The following OR1J2 variants were observed in gnomAD, a reference collection of about 807,000 sequenced individuals.
OR1J2 encodes olfactory receptor family 1 subfamily J member 2.
For missense variants in OR1J2, 304 were observed against 246.1 expected, an observed-to-expected ratio of 1.24 and a Z score of -1.57; for synonymous variants, 142 against 99.7, an observed-to-expected ratio of 1.42 and a Z score of -2.52.
downstream of OR1J2, among the ~76,000 whole-genome samples, chr9:122,514,332 G>A (rs114622133): frequency 9.4e-3 from 1,428 of 152,168 alleles, 21 homozygotes; most frequent in African/African-American, 0.033. Context: ...TTATGTCCAC[G>A]TGTACCTAAT....
At chr9:122,470,295 G>A in the OR1J2 span, among the ~76,000 whole-genome samples, 5 of 152,200 alleles carry the variant, frequency 3.3e-5, no homozygotes, top group African/African-American at 1.2e-4. Context: ...AGCTGAAAGG[G>A]GCCAACATAG....
At chr9:122,542,216 T>A in the OR1J2 span, among the ~76,000 whole-genome samples, 3 of 152,220 alleles carry the variant, frequency 2.0e-5, no homozygotes, top group African/African-American at 7.2e-5. Flanking sequence ...ACCCATAGTT[T>A]ATTCAATTCT....
chr9:122,570,784 AT>A, the OR1J2 span, among the ~76,000 whole-genome samples: 1 of 152,168 alleles, frequency 6.6e-6, no homozygotes, highest in East Asian at 1.9e-4. Flanking sequence ...TTGCTGATAT[AT>A]TGAGTGAATC....
At chr9:122,520,100 A>G in the OR1J2 span, 1 of 1,575,026 alleles carries the variant, frequency 6.3e-7, no homozygotes, top group Non-Finnish European at 8.7e-7. Flanking sequence ...TCTTCTTTAT[A>G]ACAGACATAT....
chr9:122,526,342 G>A, the OR1J2 span: 6 of 1,432,862 alleles, frequency 4.2e-6, no homozygotes, highest in African/African-American at 5.7e-5. Context: ...TTCATTAAAT[G>A]TTGCTGTCAC....
At chr9:122,560,465 C>T in the OR1J2 span, among the ~76,000 whole-genome samples, 2 of 152,126 alleles carry the variant, frequency 1.3e-5, no homozygotes, top group African/African-American at 2.4e-5. Context: ...TGGCTGGTAC[C>T]GGTGTTTCCT....
At chr9:122,452,014 G>T in the OR1J2 span, among the ~76,000 whole-genome samples, 1 of 152,290 alleles carries the variant, frequency 6.6e-6, no homozygotes, top group South Asian at 2.1e-4. Context: ...GAGTAACTGG[G>T]ACTACAGGTG....
the OR1J2 span, among the ~76,000 whole-genome samples, chr9:122,449,817 G>C: frequency 6.6e-6 from 1 of 152,238 alleles, no homozygotes; most frequent in East Asian, 1.9e-4. Flanking sequence ...GTTTATCATA[G>C]ATCGGGTATG....
At chr9:122,463,504 T>G in the OR1J2 span, among the ~76,000 whole-genome samples, 1 of 152,160 alleles carries the variant, frequency 6.6e-6, no homozygotes, top group Non-Finnish European at 1.5e-5. Context: ...AGAACCTTGT[T>G]TTGTCATATT....
chr9:122,554,398 A>G, the OR1J2 span, among the ~76,000 whole-genome samples: 4 of 152,108 alleles, frequency 2.6e-5, no homozygotes, highest in South Asian at 8.3e-4. Flanking sequence ...CAGCAAAACT[A>G]CTATTCCTCC....
the OR1J2 span, among the ~76,000 whole-genome samples, chr9:122,559,176 T>G: frequency 6.6e-6 from 1 of 152,154 alleles, no homozygotes; most frequent in African/African-American, 2.4e-5. Flanking sequence ...AACATAGATC[T>G]GTTGACTAAC....
the OR1J2 span, chr9:122,568,245 A>G: frequency 1.2e-6 from 2 of 1,614,136 alleles, no homozygotes; most frequent in South Asian, 1.1e-5. Context: ...CTTGGGGACA[A>G]CGCTTGTTGT....
the OR1J2 span, chr9:122,526,838 G>C: frequency 1.2e-6 from 2 of 1,614,170 alleles, no homozygotes; most frequent in South Asian, 2.2e-5. Flanking sequence ...TCAGGGCAAC[G>C]ATATTGGTGA....
the OR1J2 span, among the ~76,000 whole-genome samples, chr9:122,448,149 G>C: frequency 2.0e-5 from 3 of 152,270 alleles, no homozygotes; most frequent in South Asian, 4.1e-4. Flanking sequence ...AATGCGGCAG[G>C]AGAACAGGGT....
At chr9:122,566,007 T>G in the OR1J2 span, among the ~76,000 whole-genome samples, 1 of 152,136 alleles carries the variant, frequency 6.6e-6, no homozygotes, top group South Asian at 2.1e-4. Flanking sequence ...CTATGGAGTA[T>G]GATCCAATGA....
At chr9:122,555,806 C>T in the OR1J2 span, among the ~76,000 whole-genome samples, 2,853 of 152,222 alleles carry the variant, frequency 0.019, 99 homozygotes, top group African/African-American at 0.065. Context: ...CCCCAACACA[C>T]GCACAATCTC....
chr9:122,558,389 G>A, the OR1J2 span, among the ~76,000 whole-genome samples: 1 of 124,498 alleles, frequency 8.0e-6, no homozygotes, highest in Admixed American at 9.3e-5. Context: ...CTTTTGGATA[G>A]TTTGAGGGTA....
At chr9:122,556,336 A>T in the OR1J2 span, among the ~76,000 whole-genome samples, 1 of 150,176 alleles carries the variant, frequency 6.7e-6, no homozygotes, top group East Asian at 2.0e-4. Flanking sequence ...TGTTGAAGAG[A>T]CTGTTTTCTC....
chr9:122,577,533 A>G, the OR1J2 span, among the ~76,000 whole-genome samples: 1 of 152,252 alleles, frequency 6.6e-6, no homozygotes, highest in African/African-American at 2.4e-5. Flanking sequence ...TTCAGTAAGC[A>G]TGTGAACAAG....
Sources: gnomAD v4.1 joint callset for allele counts (sites outside exome capture counted in the v4.1 genomes callset) on GRCh38, gnomAD v4.1.1 for gene constraint, MANE v1.5 for transcripts, NCBI Gene and HGNC (gene_info 2026-07-23, HGNC 2026-07-21) for gene names.